The following GNL1 variants were observed in gnomAD, a reference collection of about 807,000 sequenced individuals.
GNL1 encodes the protein guanine nucleotide-binding protein-like 1.
In GNL1, 21 loss-of-function variants were observed where a neutral mutation model predicts 75.2. That is an observed-to-expected ratio of 0.28 (90% CI 0.20 to 0.40). The LOEUF (loss-of-function observed/expected upper bound fraction) is 0.40. GNL1 is among the 10% of genes least tolerant of loss of function. The pLI is 1.00. For missense variants in GNL1, 579 were observed against 775.0 expected (o/e 0.75, Z 3.00); for synonymous variants, 287 against 303.4 (o/e 0.95, Z 0.56).
rs1799159147 is a variant in GNL1 at position 30,541,410 on chromosome 6, A to C, written c.*4662T>G. 6.6e-6 allele frequency: 1 copy of C among 152,198 alleles called. No individual in the cohort carries two copies. The allele number at this position is 152,198 out of a possible 1,614,324, so 9.4% of individuals were successfully genotyped here. ...CTCTTCATTCAAGTTTGGCTTTAAT[A>C]TTTTATTAAAAATTTTTGTATTTGT... On this transcript the variant is annotated 3_prime_UTR_variant, in exon 12 of 12. Transcript: ENST00000376621.
At position 30,542,677 on chromosome 6, in the gene GNL1, T is replaced by C. The variant is rs1257337649; in HGVS notation, c.*3395A>G. The C allele has an allele frequency of 6.6e-6, 1 of 152,230 alleles. No individual in the cohort carries two copies. The highest frequency in any genetic ancestry group is 2.4e-5 in the African/African-American group (1 of 41,434). 9.4% of individuals were successfully genotyped at this position (152,230 alleles called of 1,614,324 possible). Reference sequence around the variant, plus strand: ...TCAATTCTATCTCCTGAGCAACCCATAAAACGATTTCTCTTCTTTCCATCT... The same window carrying C: ...TCAATTCTATCTCCTGAGCAACCCACAAAACGATTTCTCTTCTTTCCATCT... On this transcript the variant is annotated 3_prime_UTR_variant, in exon 12 of 12. Transcript: ENST00000376621. The surrounding 1 kb of genome is among the most constrained non-coding windows in gnomAD (Gnocchi z 4.5).
At chr6:30,553,610 C>T (rs1404241257) in intron 5 of GNL1, 53 bp from the exon 6 acceptor site, 1 of 1,240,252 alleles carries the variant, frequency 8.1e-7, no homozygotes, top group Non-Finnish European at 1.2e-6. Flanking sequence ...CCAGAGTTCT[C>T]TGCCTCCAGC....
rs535537681 is a variant in GNL1 at position 30,552,794 on chromosome 6, G to A, written c.905-133C>T. On this transcript the variant is annotated intron_variant, in intron 7 of 11. Transcript: ENST00000376621. The surrounding 1 kb of genome is among the most constrained non-coding windows in gnomAD (Gnocchi z 4.5). ...ACAGTGCCAACCTAAATAAGAGCAG[G>A]TCAGAGAATCTCCCAAAAGTCATTT... is the stretch of plus-strand genomic sequence containing the variant. The A allele has an allele frequency of 1.4e-4, 111 of 784,716 alleles. 2 individuals carry two copies. The South Asian group carries it at 1.6e-3, about 11-fold the overall frequency. 48.6% of individuals were successfully genotyped at this position (784,716 alleles called of 1,614,324 possible).
intron 7 of GNL1, 41 bp downstream of exon 7, chr6:30,553,043 C>T (rs1442885993): frequency 7.5e-7 from 1 of 1,326,994 alleles, no homozygotes; most frequent in Non-Finnish European, 1.1e-6. Context: ...TCTTTGGTCT[C>T]CCCCATGTCC....
In GNL1 at chr6:30,552,333, C is replaced by T; in HGVS notation, c.1099+134G>A. ...TGCAGCAGACGCCTCTTCTGCCTTG[C>T]CCACCGCCACTGGCAGAGATCACCC... On this transcript the variant is annotated intron_variant, in intron 8 of 11. Coordinates refer to ENST00000376621, the MANE Select transcript of GNL1 (RefSeq NM_005275.5). The surrounding 1 kb of genome is among the most constrained non-coding windows in gnomAD (Gnocchi z 4.5). 1 of 673,954 alleles carries T rather than the reference C, an allele frequency of 1.5e-6. No homozygotes were observed. The highest frequency in any genetic ancestry group is 2.5e-6 in the Non-Finnish European group (1 of 396,200). The allele number at this position is 673,954 out of a possible 1,614,324, so 41.7% of individuals were successfully genotyped here.
chr6:30,546,007 G>C lies in GNL1; in HGVS notation c.*65C>G. ...TATTCACAATTGGGGTGGCAGAGGGGAGATACCCCCAGGTCAGTCCAAAAG... is the reference window on the plus strand; with the variant it reads ...TATTCACAATTGGGGTGGCAGAGGGCAGATACCCCCAGGTCAGTCCAAAAG... On this transcript the variant is annotated 3_prime_UTR_variant, in exon 12 of 12. Coordinates refer to ENST00000376621, the MANE Select transcript of GNL1 (RefSeq NM_005275.5). This position sits in a 1 kb window ranked among gnomAD's most constrained non-coding sequence, Gnocchi z 5.1. 1 of 1,139,638 alleles carries C rather than the reference G, an allele frequency of 8.8e-7. No homozygotes were observed. Among genetic ancestry groups the C allele is most frequent in the Non-Finnish European group, 1.3e-6 (1 of 777,358 alleles). The allele number at this position is 1,139,638 out of a possible 1,614,324, so 70.6% of individuals were successfully genotyped here.
rs1423821010 is a variant in GNL1, at chr6:30,556,231, T to C, written c.-28A>G. On this transcript the variant is annotated 5_prime_UTR_variant, in exon 1 of 12. Coordinates refer to ENST00000376621, the MANE Select transcript of GNL1 (RefSeq NM_005275.5). This position sits in a 1 kb window ranked among gnomAD's most constrained non-coding sequence, Gnocchi z 5.7. The stretch of plus-strand genomic sequence containing the variant: ...CCCGGACCAGTCACCTGGCCCGCCC[T>C]CCGCCGAGCTCCCGCCGCCTCAACT... 15 of 1,598,568 alleles carry C rather than the reference T, an allele frequency of 9.4e-6. No individual in the cohort carries two copies. Among genetic ancestry groups the C allele is most frequent in the Non-Finnish European group, 1.3e-5 (15 of 1,179,260 alleles).
rs1458368053 is a variant in GNL1, at chr6:30,548,579, G to A, written c.1100-1049C>T. ...ATGATCCAGCTCCTCAGCCAGGCCC[G>A]TTCACAGACCTGGAACTCCCTGGTC... On this transcript the variant is annotated intron_variant, in intron 8 of 11. Coordinates refer to ENST00000376621, the MANE Select transcript of GNL1 (RefSeq NM_005275.5). This position sits in a 1 kb window ranked among gnomAD's most constrained non-coding sequence, Gnocchi z 4.2. Among the ~76,000 whole-genome samples, 2 of 152,046 alleles carry A rather than the reference G, an allele frequency of 1.3e-5. No homozygotes were observed. The highest frequency in any genetic ancestry group is 1.5e-5 in the Non-Finnish European group (1 of 68,012).
Position 30,554,836 on chromosome 6 carries a change from G to A in GNL1, c.456C>T (p.Phe152=), listed in dbSNP as rs1800031534. ...CATGAATCTTCCCAAGATAGTCTTG[G>A]AAGCTCCGTTCCTCTTGGCTCATTA... The part of the protein sequence containing the change: ...EQLMSQEERS[F]QDYLGKIHGA... The change falls in exon 4 of 12, where the codon TTC becomes TTT. Residue 152 remains phenylalanine, a synonymous_variant. Transcript: ENST00000376621. The A allele has an allele frequency of 3.1e-6, 5 of 1,612,684 alleles. No individual in the cohort carries two copies. In the East Asian group the frequency reaches 1.1e-4, roughly 36 times the overall value.
intron 5 of GNL1, 80 bp downstream of exon 5, chr6:30,554,495 C>T: frequency 1.2e-6 from 1 of 825,566 alleles, no homozygotes; most frequent in Non-Finnish European, 2.2e-6. Flanking sequence ...ACCTCTCTGT[C>T]TCCCAACTCT....
Position 30,556,088 on chromosome 6 carries a change from C to G in GNL1, c.73+43G>C. 6.3e-7 allele frequency: 1 copy of G among 1,591,260 alleles called. No homozygotes were observed. Among genetic ancestry groups the G allele is most frequent in the Non-Finnish European group, 8.5e-7 (1 of 1,171,900 alleles). On this transcript the variant is annotated intron_variant, in intron 1 of 11. Coordinates refer to ENST00000376621, the MANE Select transcript of GNL1 (RefSeq NM_005275.5). The surrounding 1 kb of genome is among the most constrained non-coding windows in gnomAD (Gnocchi z 5.7). Reference sequence around the variant, plus strand: ...GGGCACACCCCTCCTTCCAGATGTGCGGAAGCCCGAGCCCCGCCCCCTCCT... The same window carrying G: ...GGGCACACCCCTCCTTCCAGATGTGGGGAAGCCCGAGCCCCGCCCCCTCCT...
At position 30,546,695 on chromosome 6, in the gene GNL1, C is replaced by T; in HGVS notation, c.1582+1G>A. On this transcript the variant is annotated splice_donor_variant, in intron 11 of 11. Transcript: ENST00000376621. LOFTEE classifies it high-confidence loss of function. This position sits in a 1 kb window ranked among gnomAD's most constrained non-coding sequence, Gnocchi z 5.1. ...CTGGGGAAGAATATCTGGGCTCTGACCTTTCTGTTCACTGTAGCCTGGGGG... is the reference window on the plus strand; with the variant it reads ...CTGGGGAAGAATATCTGGGCTCTGATCTTTCTGTTCACTGTAGCCTGGGGG... 3.1e-6 allele frequency: 5 copies of T among 1,603,058 alleles called. No individual in the cohort carries two copies. The highest frequency in any genetic ancestry group is 4.3e-6 in the Non-Finnish European group (5 of 1,173,860).
chr6:30,548,193 A>T lies in GNL1; in HGVS notation c.1100-663T>A, dbSNP rs968727466. Among the ~76,000 whole-genome samples, 3 of 151,944 alleles carry T rather than the reference A, an allele frequency of 2.0e-5. No individual in the cohort carries two copies. Among genetic ancestry groups the T allele is most frequent in the African/African-American group, 4.8e-5 (2 of 41,340 alleles). Reference sequence around the variant, plus strand: ...CTCCATCTCAAAAAATAATAATAATAATTACGATGACTTGTCCAAGGAGAA... The same window carrying T: ...CTCCATCTCAAAAAATAATAATAATTATTACGATGACTTGTCCAAGGAGAA... On this transcript the variant is annotated intron_variant, in intron 8 of 11. Coordinates refer to ENST00000376621, the MANE Select transcript of GNL1 (RefSeq NM_005275.5). The surrounding 1 kb of genome is among the most constrained non-coding windows in gnomAD (Gnocchi z 4.2).
chr6:30,555,173 C>T lies in GNL1; in HGVS notation c.258G>A (p.Glu86=). 1 of 1,613,054 alleles carries T rather than the reference C, an allele frequency of 6.2e-7. No individual in the cohort carries two copies. Among genetic ancestry groups the T allele is most frequent in the South Asian group, 1.1e-5 (1 of 91,080 alleles). Residue 86 remains glutamate, a synonymous_variant, in exon 3 of 12, where the codon GAG becomes GAA. Coordinates refer to ENST00000376621, the MANE Select transcript of GNL1 (RefSeq NM_005275.5). This position sits in a 1 kb window ranked among gnomAD's most constrained non-coding sequence, Gnocchi z 4.3. ...TCTCTACCTCCTCCCTGCTGTCTCT[C>T]TCAAAATGCAGTCGGTATCTAAGGG... ...YDPNRYRLHF[E]RDSREEVERR...
intron 4 of GNL1, 54 bp downstream of exon 4, chr6:30,554,710 C>T: frequency 5.6e-6 from 9 of 1,603,408 alleles, no homozygotes; most frequent in Non-Finnish European, 7.7e-6. Flanking sequence ...GATCCCAAAC[C>T]AATTTGACCA....
intron 8 of GNL1, among the ~76,000 whole-genome samples, chr6:30,549,548 C>T (rs955484318): frequency 2.0e-5 from 3 of 152,120 alleles, no homozygotes; most frequent in African/African-American, 7.2e-5. Flanking sequence ...TCCAGTTTGG[C>T]TTTCTCCACC....
At position 30,552,151 on chromosome 6, in the gene GNL1, C is replaced by CCCTCACACACGG. The variant is rs1482838264; in HGVS notation, c.1099+315_1099+316insCCGTGTGTGAGG. 5.6e-6 allele frequency: 2 copies of CCCTCACACACGG among 359,884 alleles called. No homozygotes were observed. The highest frequency in any genetic ancestry group is 5.0e-6 in the Non-Finnish European group (1 of 198,434). 22.3% of individuals were successfully genotyped at this position (359,884 alleles called of 1,614,324 possible). A position where few individuals can be genotyped will look rare whatever the true frequency, so the allele number is the denominator to read the frequency against. The stretch of plus-strand genomic sequence containing the variant: ...AGCGCTGGGACTATATAGGCATGAG[C>CCCTCACACACGG]CCTCACACATGGCCGTCATCCATTC... On this transcript the variant is annotated intron_variant, in intron 8 of 11. Coordinates refer to ENST00000376621, the MANE Select transcript of GNL1 (RefSeq NM_005275.5). This position sits in a 1 kb window ranked among gnomAD's most constrained non-coding sequence, Gnocchi z 4.5.
rs1344660278 is a variant in GNL1 at position 30,555,670 on chromosome 6, C to G, written c.124G>C (p.Glu42Gln). The G allele has an allele frequency of 6.2e-7, 1 of 1,613,860 alleles. No homozygotes were observed. Among genetic ancestry groups the G allele is most frequent in the Admixed American group, 1.7e-5 (1 of 60,014 alleles). ...SSSNSRSGSR[E>Q]RREEQTDTSD... The stretch of plus-strand genomic sequence containing the variant: ...GTGTCGGTCTGTTCCTCTCGCCGCT[C>G]CCGGCTCCCGCTGCGGCTGTTGGAA... Residue 42 changes from glutamate to glutamine, a missense_variant, in exon 2 of 12, where the codon GAG becomes CAG. Physicochemically the swap from Glu to Gln is conservative, Grantham distance 29 (BLOSUM62 2). Transcript: ENST00000376621. This position sits in a 1 kb window ranked among gnomAD's most constrained non-coding sequence, Gnocchi z 4.3.
chr6:30,549,294 G>A (rs925716829), intron 8 of GNL1, among the ~76,000 whole-genome samples: 3 of 152,004 alleles, frequency 2.0e-5, no homozygotes, highest in East Asian at 1.9e-4. Context: ...CCACCATACC[G>A]GCCGCCACTC....
Sources: allele counts gnomAD v4.1 joint callset (sites outside exome capture counted in the v4.1 genomes callset), GRCh38; gene constraint gnomAD v4.1.1; non-coding constraint Gnocchi (gnomAD v3.1); transcripts MANE v1.5; gene names NCBI Gene and HGNC (gene_info 2026-07-23, HGNC 2026-07-21).